DLG2: variants seen among roughly 807,000 people sequenced by gnomAD.
The protein encoded by DLG2 is discs large MAGUK scaffold protein 2.
DLG2 carries 45 observed loss-of-function variants against 132.5 expected under a neutral mutation model. The ratio of observed to expected loss-of-function variants is 0.34; its 90% CI spans 0.27 to 0.44. The LOEUF is 0.44. Ranked by LOEUF, DLG2 falls within the 20% of genes least tolerant of loss-of-function variation. The pLI, the probability that DLG2 is intolerant of heterozygous loss-of-function variation, is 1.00. For synonymous variants in DLG2, 424 were observed against 419.6 expected, an observed-to-expected ratio of 1.01 and a Z score of -0.13; for missense variants, 1,045 against 1,196.9, an observed-to-expected ratio of 0.87 and a Z score of 1.87.
intron 21 of DLG2, among the ~76,000 whole-genome samples, chr11:83,504,553 G>C (rs2094597901): frequency 6.6e-6 from 1 of 152,148 alleles, no homozygotes; most frequent in South Asian, 2.1e-4. Flanking sequence ...AAAGTGTCCA[G>C]GTGGCAATCT....
chr11:85,388,520 T>C (rs1596779302), intron 3 of DLG2, among the ~76,000 whole-genome samples: 1 of 152,230 alleles, frequency 6.6e-6, no homozygotes, highest in Non-Finnish European at 1.5e-5. Flanking sequence ...AAGCACCACC[T>C]TCTGGCTGGA....
intron 3 of DLG2, among the ~76,000 whole-genome samples, chr11:85,395,983 T>G (rs575355009): frequency 3.9e-5 from 6 of 152,294 alleles, no homozygotes; most frequent in Non-Finnish European, 8.8e-5. Context: ...CTGACCCCTG[T>G]GTAGCCTGAC....
intron 3 of DLG2, among the ~76,000 whole-genome samples, chr11:85,342,718 G>GCC (rs2082583472): frequency 6.6e-6 from 1 of 151,980 alleles, no homozygotes; most frequent in Non-Finnish European, 1.5e-5. Context: ...TACCAGCATC[G>GCC]CCACAAACGC....
At chr11:85,108,738 C>T (rs1033324813) in intron 6 of DLG2, among the ~76,000 whole-genome samples, 3 of 152,034 alleles carry the variant, frequency 2.0e-5, no homozygotes, top group Non-Finnish European at 4.4e-5. Flanking sequence ...ACTCAGTAAA[C>T]ATTGCTGACT....
rs758404475 is a variant in DLG2, at chr11:83,972,171, G to C, written c.1057-6703C>G. Among the ~76,000 whole-genome samples, 29 of 152,080 alleles carry C rather than the reference G, an allele frequency of 1.9e-4. 1 individual carries two copies. Among genetic ancestry groups the C allele is most frequent in the Admixed American group, 1.8e-3 (28 of 15,228 alleles). On this transcript the variant is annotated intron_variant, in intron 12 of 27. Transcript: ENST00000376104. ...TAATATTCATATGTTAAACCTTGCT[G>C]TTTCTAGAAACGAAGGCAACTTGAT... is the stretch of plus-strand genomic sequence containing the variant.
At chr11:84,328,445 C>G (rs936603589) in intron 7 of DLG2, among the ~76,000 whole-genome samples, 1 of 152,100 alleles carries the variant, frequency 6.6e-6, no homozygotes, top group African/African-American at 2.4e-5. Context: ...TATAAATGGA[C>G]ATTTCTTTTA....
chr11:83,758,835 G>A (rs943061473), intron 18 of DLG2, among the ~76,000 whole-genome samples: 1 of 151,906 alleles, frequency 6.6e-6, no homozygotes, highest in Non-Finnish European at 1.5e-5. Context: ...GCTTGCAATT[G>A]TATCATTTAT....
intron 7 of DLG2, among the ~76,000 whole-genome samples, chr11:84,463,216 A>C (rs1054640329): frequency 6.6e-6 from 1 of 151,156 alleles, no homozygotes; most frequent in African/African-American, 2.4e-5. Context: ...CTTACCAGGC[A>C]GTGTCTTTTC....
intron 7 of DLG2, among the ~76,000 whole-genome samples, chr11:84,506,367 G>A (rs1357518914): frequency 6.6e-6 from 1 of 151,886 alleles, no homozygotes; most frequent in African/African-American, 2.4e-5. Flanking sequence ...GAGCCACCGC[G>A]CCCGGCCCTC....
At chr11:84,095,789 C>A (rs2097157424) in intron 10 of DLG2, among the ~76,000 whole-genome samples, 1 of 152,174 alleles carries the variant, frequency 6.6e-6, no homozygotes, top group Admixed American at 6.5e-5. Context: ...TAGGCAAAGG[C>A]TGTAATGTGG....
At chr11:83,731,315 G>A (rs2090967658) in intron 18 of DLG2, among the ~76,000 whole-genome samples, 1 of 152,110 alleles carries the variant, frequency 6.6e-6, no homozygotes. Flanking sequence ...TGGCCCTGGT[G>A]TGTGTTGTTC....
chr11:85,333,647 A>G (rs1170375746), intron 3 of DLG2, among the ~76,000 whole-genome samples: 1 of 152,096 alleles, frequency 6.6e-6, no homozygotes, highest in South Asian at 2.1e-4. Context: ...GGAGATTTTC[A>G]ATTTTATCGA....
chr11:84,115,169 C>T (rs573512518), intron 9 of DLG2, among the ~76,000 whole-genome samples: 49 of 152,284 alleles, frequency 3.2e-4, no homozygotes, highest in African/African-American at 9.4e-4. Context: ...TAAATGTCAA[C>T]GCTAGGTTAA....
intron 7 of DLG2, among the ~76,000 whole-genome samples, chr11:84,369,008 C>G (rs1488258328): frequency 1.3e-5 from 2 of 152,018 alleles, no homozygotes; most frequent in Non-Finnish European, 2.9e-5. Flanking sequence ...GTAACGTATT[C>G]ACAATGTAAT....
chr11:84,827,916 T>C (rs768541296), intron 6 of DLG2, among the ~76,000 whole-genome samples: 30 of 151,744 alleles, frequency 2.0e-4, no homozygotes, highest in Non-Finnish European at 3.8e-4. Flanking sequence ...ATTGAACTCA[T>C]GGACATAGGG....
chr11:84,968,570 T>C (rs1251509770), intron 6 of DLG2, among the ~76,000 whole-genome samples: 1 of 152,220 alleles, frequency 6.6e-6, no homozygotes, highest in Non-Finnish European at 1.5e-5. Context: ...TCTGTACTTC[T>C]GTATGTTAAG....
intron 6 of DLG2, among the ~76,000 whole-genome samples, chr11:85,063,787 G>C (rs991823919): frequency 1.3e-5 from 2 of 151,796 alleles, no homozygotes; most frequent in African/African-American, 4.8e-5. Context: ...AAGAAGCAAT[G>C]ATTTGTAGTA....
intron 3 of DLG2, among the ~76,000 whole-genome samples, chr11:85,426,165 G>A (rs948829270): frequency 2.2e-4 from 33 of 152,218 alleles, no homozygotes; most frequent in African/African-American, 5.1e-4. Flanking sequence ...AGAGCCCACC[G>A]CAGCTCAAGG....
intron 3 of DLG2, among the ~76,000 whole-genome samples, chr11:85,583,116 GTGTGTGTGTGTGTGTATA>G (rs1442639711): frequency 3.1e-4 from 17 of 55,320 alleles, no homozygotes; most frequent in African/African-American, 1.2e-3. Context: ...GTGTGTGTGT[GTGTGTGTGTGTGTGTATA>G]TATATATATA....
Sources: allele counts gnomAD v4.1 joint callset (sites outside exome capture counted in the v4.1 genomes callset), GRCh38; gene constraint gnomAD v4.1.1; transcripts MANE v1.5; gene names NCBI Gene and HGNC (gene_info 2026-07-23, HGNC 2026-07-21).